The following NTN1 variants were observed in gnomAD, a reference collection of about 807,000 sequenced individuals.
NTN1 encodes the protein netrin-1.
In NTN1, 11 loss-of-function variants were observed where a neutral mutation model predicts 54.2. The observed-to-expected ratio is 0.20, with a 90% CI of 0.13 to 0.34. The LOEUF is 0.34. Ranked by LOEUF, NTN1 falls within the 10% of genes least tolerant of loss-of-function variation. The pLI is 1.00. For missense variants in NTN1, 740 were observed against 893.1 expected (o/e 0.83, Z 2.18); for synonymous variants, 371 against 382.0 (o/e 0.97, Z 0.33).
chr17:9,068,156 G>A (rs547738063), intron 2 of NTN1, among the ~76,000 whole-genome samples: 2 of 152,210 alleles, frequency 1.3e-5, no homozygotes, highest in South Asian at 2.1e-4. Context: ...TTAGGGAAAC[G>A]TCTGTTTGGT....
At chr17:9,008,581 C>A in the NTN1 span, among the ~76,000 whole-genome samples, 1 of 152,162 alleles carries the variant, frequency 6.6e-6, no homozygotes, top group Admixed American at 6.5e-5. Flanking sequence ...CCTCAGCCTC[C>A]CAAAGTGCTG....
intron 2 of NTN1, among the ~76,000 whole-genome samples, chr17:9,074,595 C>A (rs1233534775): frequency 6.6e-6 from 1 of 152,238 alleles, no homozygotes; most frequent in Non-Finnish European, 1.5e-5. Context: ...CTCCTGTCCA[C>A]TTTAGGAGCC....
chr17:9,137,956 G>A (rs998575334), intron 2 of NTN1, among the ~76,000 whole-genome samples: 11 of 152,206 alleles, frequency 7.2e-5, no homozygotes, highest in African/African-American at 2.7e-4. Flanking sequence ...AGCTCAGGGC[G>A]GGCTCTATCA....
rs146869714 is a variant in NTN1, at chr17:9,042,178, A to T, written c.1018+18787A>T. Among the ~76,000 whole-genome samples the T allele has an allele frequency of 9.9e-3, 1,511 of 152,180 alleles. 26 individuals are homozygous for T. The highest frequency in any genetic ancestry group is 0.032 in the African/African-American group (1,332 of 41,496). ...ACTTACTATCTATCATTTTGATTAT[A>T]GCCATTCTGGTGGGTGTGAAGGGGT... On this transcript the variant is annotated intron_variant, in intron 2 of 6. Transcript: ENST00000173229.
rs997058107 is a variant in NTN1 at position 9,129,043 on chromosome 17, C to T, written c.1019-33770C>T. On this transcript the variant is annotated intron_variant, in intron 2 of 6. Transcript: ENST00000173229. ...CACTGGGGCTTGGCTCTGTGATCCC[C>T]GAGTCCCTCTCCGCGGTAACACTAT... is the stretch of plus-strand genomic sequence containing the variant. 3.9e-5 allele frequency among the ~76,000 whole-genome samples: 6 copies of T among 152,168 alleles called. No homozygotes were observed. In the East Asian group the frequency reaches 9.6e-4, roughly 24 times the overall value.
chr17:9,237,264 C>T lies in NTN1; in HGVS notation c.1487-2376C>T, dbSNP rs187126132. 1.5e-3 allele frequency among the ~76,000 whole-genome samples: 234 copies of T among 152,288 alleles called. 2 individuals carry two copies. Among genetic ancestry groups the T allele is most frequent in the African/African-American group, 5.2e-3 (217 of 41,568 alleles). On this transcript the variant is annotated intron_variant, in intron 6 of 6. Transcript: ENST00000173229. ...CCTCTCCTGGCTTGTAGATGGCCAC[C>T]TTCTCGTGTCCTTACAGGGTCTTCC...
At chr17:9,077,466 A>G (rs1567704694) in intron 2 of NTN1, among the ~76,000 whole-genome samples, 1 of 152,182 alleles carries the variant, frequency 6.6e-6, no homozygotes, top group Non-Finnish European at 1.5e-5. Flanking sequence ...AGCACTCTGA[A>G]CCATTCATGT....
chr17:9,192,050 A>G (rs1904477533), intron 5 of NTN1, among the ~76,000 whole-genome samples: 4 of 152,000 alleles, frequency 2.6e-5, no homozygotes, highest in Non-Finnish European at 4.4e-5. Flanking sequence ...TGTGTTGAAA[A>G]GGGTTGGGGA....
Position 9,022,652 on chromosome 17 carries a change from C to T in NTN1, c.279C>T (p.Leu93=). The change falls in exon 2 of 7, where the codon CTC becomes CTT. Residue 93 remains leucine (L), a synonymous_variant. Transcript: ENST00000173229. The part of the protein sequence containing the change: ...RGEERLRSCH[L]CNASDPKKAH... ...AGGAGCGGCTGCGCTCGTGCCACCT[C>T]TGCAACGCGTCCGACCCCAAGAAGG... 6.4e-7 allele frequency: 1 copy of T among 1,565,324 alleles called. No homozygotes were observed. Among genetic ancestry groups the T allele is most frequent in the Non-Finnish European group, 8.6e-7 (1 of 1,156,502 alleles).
chr17:9,138,359 G>A (rs915101564), intron 2 of NTN1, among the ~76,000 whole-genome samples: 27 of 152,282 alleles, frequency 1.8e-4, no homozygotes, highest in Admixed American at 1.0e-3. Flanking sequence ...GCCAGATCAC[G>A]TGTCTGCGAT....
intron 5 of NTN1, among the ~76,000 whole-genome samples, chr17:9,192,947 G>A (rs1384752832): frequency 2.0e-5 from 3 of 152,080 alleles, no homozygotes; most frequent in Non-Finnish European, 2.9e-5. Context: ...GGGCATGGTG[G>A]CACGCGCCTG....
rs1023211235 is a variant in NTN1, at chr17:9,211,795, G to T, written c.1412-9373G>T. On this transcript the variant is annotated intron_variant, in intron 5 of 6. Transcript: ENST00000173229. The surrounding 1 kb of genome is among the most constrained non-coding windows in gnomAD (Gnocchi z 4.4). ...TTTGATAATTTGAGATTGAACATGG[G>T]TGCATCTCTTTGTTCCCTTTTTATT... 6.6e-6 allele frequency among the ~76,000 whole-genome samples: 1 copy of T among 152,170 alleles called. No homozygotes were observed. The highest frequency in any genetic ancestry group is 1.5e-5 in the Non-Finnish European group (1 of 68,042).
chr17:9,143,117 C>T lies in NTN1; in HGVS notation c.1019-19696C>T, dbSNP rs537597542. ...TGGGGAGACTGGTGGTCATGGTTTT[C>T]TGAAAGTATCCATCTGCCCTGTGTG... is the stretch of plus-strand genomic sequence containing the variant. On this transcript the variant is annotated intron_variant, in intron 2 of 6. Coordinates refer to ENST00000173229, the MANE Select transcript of NTN1 (RefSeq NM_004822.3). Among the ~76,000 whole-genome samples, 16 of 152,280 alleles carry T rather than the reference C, an allele frequency of 1.1e-4. No homozygotes were observed. In the South Asian group the frequency reaches 3.3e-3, roughly 32 times the overall value.
intron 2 of NTN1, among the ~76,000 whole-genome samples, chr17:9,150,071 G>A (rs1210101674): frequency 1.3e-5 from 2 of 152,206 alleles, no homozygotes; most frequent in Non-Finnish European, 2.9e-5. Flanking sequence ...GCATGGTGGC[G>A]GGCGCCTGTA....
At chr17:9,183,229 C>T (rs999667682) in intron 5 of NTN1, 6 of 678,968 alleles carry the variant, frequency 8.8e-6, no homozygotes, top group Middle Eastern at 5.6e-4. Context: ...AAACTGAGCT[C>T]CTTCTACTTG....
chr17:9,065,427 C>G (rs1313890076), intron 2 of NTN1, among the ~76,000 whole-genome samples: 1 of 152,188 alleles, frequency 6.6e-6, no homozygotes, highest in Non-Finnish European at 1.5e-5. Flanking sequence ...CTTTCTCATC[C>G]CTCAGGTTTG....
chr17:9,227,688 TATAC>T (rs1380838953), intron 6 of NTN1, among the ~76,000 whole-genome samples: 2 of 103,162 alleles, frequency 1.9e-5, no homozygotes, highest in Non-Finnish European at 3.8e-5. Context: ...ACACCACACT[TATAC>T]AGACACACGT....
chr17:9,047,071 T>TAAA (rs2091943539), intron 2 of NTN1, among the ~76,000 whole-genome samples: 1 of 152,252 alleles, frequency 6.6e-6, no homozygotes, highest in South Asian at 2.1e-4. Flanking sequence ...AATTTTAAAA[T>TAAA]ACTTTATTGC....
intron 5 of NTN1, among the ~76,000 whole-genome samples, chr17:9,189,383 G>A (rs1377200854): frequency 5.9e-5 from 9 of 152,140 alleles, no homozygotes; most frequent in South Asian, 2.1e-4. Flanking sequence ...ACGAAGTTTT[G>A]CTCTTTCGCC....
Sources: allele counts gnomAD v4.1 joint callset (sites outside exome capture counted in the v4.1 genomes callset), GRCh38; gene constraint gnomAD v4.1.1; non-coding constraint Gnocchi (gnomAD v3.1); transcripts MANE v1.5; gene names NCBI Gene and HGNC (gene_info 2026-07-23, HGNC 2026-07-21).